The following KSR2 variants were observed in gnomAD, a reference collection of about 807,000 sequenced individuals.
KSR2 encodes the protein kinase suppressor of ras 2.
In KSR2, 25 loss-of-function variants were observed where a neutral mutation model predicts 107.8. The ratio of observed to expected loss-of-function variants is 0.23; its 90% CI spans 0.17 to 0.32. The LOEUF (loss-of-function observed/expected upper bound fraction) is 0.32, where lower values mean the gene tolerates loss of function less well. KSR2 is among the 10% of genes least tolerant of loss of function. The probability of loss-of-function intolerance (pLI) is 1.00; values close to 1 mark genes in which losing one functional copy is unlikely to be tolerated. For missense variants in KSR2, 887 were observed against 1,268.9 expected (o/e 0.70, Z 4.57); for synonymous variants, 480 against 507.0 (o/e 0.95, Z 0.71).
intron 3 of KSR2, among the ~76,000 whole-genome samples, chr12:117,820,627 G>A (rs1272617013): frequency 2.0e-5 from 3 of 152,038 alleles, no homozygotes; most frequent in East Asian, 1.9e-4. Context: ...GTCATCTTCC[G>A]ACCCAACACC....
intron 5 of KSR2, among the ~76,000 whole-genome samples, chr12:117,621,051 A>C (rs1882170044): frequency 6.6e-6 from 1 of 152,092 alleles, no homozygotes; most frequent in African/African-American, 2.4e-5. Flanking sequence ...TCCCCACCCA[A>C]ATCTCATCTC....
intron 1 of KSR2, among the ~76,000 whole-genome samples, chr12:117,959,274 G>C (rs1331995282): frequency 6.6e-6 from 1 of 152,166 alleles, no homozygotes; most frequent in Non-Finnish European, 1.5e-5. Context: ...AACAGGACTT[G>C]ACTGTCAAAC....
intron 1 of KSR2, among the ~76,000 whole-genome samples, chr12:117,918,936 C>G (rs1168321895): frequency 6.6e-6 from 1 of 152,084 alleles, no homozygotes; most frequent in East Asian, 1.9e-4. Flanking sequence ...AACACAGCCC[C>G]CTACCCTGCC....
intron 5 of KSR2, among the ~76,000 whole-genome samples, chr12:117,614,116 T>TA (rs1366687736): frequency 1.3e-5 from 2 of 152,178 alleles, no homozygotes; most frequent in East Asian, 1.9e-4. Flanking sequence ...GTACTGATAC[T>TA]AAAAAATATA....
At chr12:117,750,987 T>G (rs576487298) in intron 4 of KSR2, among the ~76,000 whole-genome samples, 1 of 152,332 alleles carries the variant, frequency 6.6e-6, no homozygotes, top group African/African-American at 2.4e-5. Context: ...TGTGAAGCTG[T>G]GTGATACAGT....
rs1332657851 is a variant in KSR2, at chr12:117,947,208, AG to A, written c.180+20867del. ...AAAGAAAAGAAAGAAAAGAAAGAAA[AG>A]AAAGAAAGAAAGAAAGAAAGAAAGA... On this transcript the variant is annotated intron_variant, in intron 1 of 19. Transcript: ENST00000339824. Among the ~76,000 whole-genome samples, 3 of 81,852 alleles carry A rather than the reference AG, an allele frequency of 3.7e-5. 1 individual carries two copies. The highest frequency in any genetic ancestry group is 2.5e-4 in the Admixed American group (2 of 8,030). 53.7% of individuals were successfully genotyped at this position (81,852 alleles called of 152,430 possible).
At chr12:117,918,695 G>T (rs530916372) in intron 1 of KSR2, among the ~76,000 whole-genome samples, 3 of 151,998 alleles carry the variant, frequency 2.0e-5, no homozygotes, top group South Asian at 4.2e-4. Flanking sequence ...GGCTGAGGCA[G>T]GAGATTCGCT....
chr12:117,653,524 T>C (rs370299228), intron 5 of KSR2, among the ~76,000 whole-genome samples: 1 of 152,220 alleles, frequency 6.6e-6, no homozygotes, highest in Non-Finnish European at 1.5e-5. Context: ...ATTATGTTGA[T>C]TGGATCCAGT....
rs112418518 is a variant in KSR2, at chr12:117,697,697, G to A, written c.987-30039C>T. Reference sequence around the variant, plus strand: ...GGAGGTTGCAGTCAGCCGAGATCGCGCCACTGCACCCTAGCCTGGGCAACA... The same window carrying A: ...GGAGGTTGCAGTCAGCCGAGATCGCACCACTGCACCCTAGCCTGGGCAACA... On this transcript the variant is annotated intron_variant, in intron 4 of 19. Coordinates refer to ENST00000339824, the MANE Select transcript of KSR2 (RefSeq NM_173598.6). 9.0e-3 allele frequency among the ~76,000 whole-genome samples: 1,284 copies of A among 142,540 alleles called. 24 individuals are homozygous for A. Among genetic ancestry groups the A allele is most frequent in the African/African-American group, 0.031 (1,177 of 37,810 alleles). 93.5% of individuals were successfully genotyped at this position (142,540 alleles called of 152,430 possible).
chr12:117,661,276 A>G (rs1279504061), intron 5 of KSR2, among the ~76,000 whole-genome samples: 1 of 151,950 alleles, frequency 6.6e-6, no homozygotes, highest in Non-Finnish European at 1.5e-5. Flanking sequence ...AGAAAAAAAA[A>G]AATTGCTCTA....
At chr12:117,508,049 AG>A (rs139179179) in intron 14 of KSR2, among the ~76,000 whole-genome samples, 7,291 of 152,212 alleles carry the variant, frequency 0.048, 537 homozygotes, top group African/African-American at 0.16. Context: ...CACAAAAGTT[AG>A]ATCCAAAGGG....
chr12:117,838,199 G>A (rs1050001922), intron 3 of KSR2, among the ~76,000 whole-genome samples: 8 of 152,174 alleles, frequency 5.3e-5, no homozygotes, highest in South Asian at 4.1e-4. Context: ...ACGGAGTCTC[G>A]CACTGTCACC....
intron 14 of KSR2, among the ~76,000 whole-genome samples, chr12:117,504,013 A>G (rs1052183594): frequency 6.6e-6 from 1 of 152,222 alleles, no homozygotes; most frequent in African/African-American, 2.4e-5. Context: ...TGGGCAGCAC[A>G]ATGATTTTAA....
Position 117,667,554 on chromosome 12 carries a change from G to C in KSR2, c.1091C>G (p.Ser364Cys). The change falls in exon 5 of 20, where the codon TCC (serine) becomes TGC (cysteine). Residue 364 changes from serine (S) to cysteine (C), a missense_variant. Ser to Cys is a moderately radical substitution (Grantham distance 112). Transcript: ENST00000339824. ...QQRSPLLSERSLRSFFVGHAP... is the reference protein window; with the variant it reads ...QQRSPLLSERCLRSFFVGHAP... ...GTGTCCCACAAAGAAGGAGCGGAGG[G>C]AGCGCTCGGACAGCAGCGGGGAGCG... is the stretch of plus-strand genomic sequence containing the variant. 1 of 1,613,172 alleles carries C rather than the reference G, an allele frequency of 6.2e-7. No homozygotes were observed. The highest frequency in any genetic ancestry group is 8.5e-7 in the Non-Finnish European group (1 of 1,179,656).
At chr12:117,593,665 G>A (rs1012384997) in intron 5 of KSR2, among the ~76,000 whole-genome samples, 4 of 152,210 alleles carry the variant, frequency 2.6e-5, no homozygotes, top group African/African-American at 9.6e-5. Context: ...TAAAATGGGG[G>A]CAATGAAATC....
At chr12:117,925,029 A>G (rs1895467991) in intron 1 of KSR2, among the ~76,000 whole-genome samples, 1 of 152,194 alleles carries the variant, frequency 6.6e-6, no homozygotes, top group Non-Finnish European at 1.5e-5. Flanking sequence ...CACACACACA[A>G]GTAGGACAGA....
At chr12:117,595,647 G>A (rs1436949571) in intron 5 of KSR2, among the ~76,000 whole-genome samples, 5 of 152,234 alleles carry the variant, frequency 3.3e-5, no homozygotes, top group Non-Finnish European at 7.3e-5. Flanking sequence ...ACAGGCGTGA[G>A]CCACCGCGCC....
chr12:117,521,534 G>T (rs1037335912), intron 14 of KSR2, among the ~76,000 whole-genome samples: 1 of 150,446 alleles, frequency 6.6e-6, no homozygotes, highest in Non-Finnish European at 1.5e-5. Flanking sequence ...TAGCAATCCT[G>T]CTGCTAATAG....
chr12:117,510,817 G>A (rs1463965439), intron 14 of KSR2, among the ~76,000 whole-genome samples: 1 of 148,958 alleles, frequency 6.7e-6, no homozygotes, highest in African/African-American at 2.5e-5. Flanking sequence ...GGTGGAGGTT[G>A]CAGTGAGCTG....
Sources: gnomAD v4.1 joint callset for allele counts (sites outside exome capture counted in the v4.1 genomes callset) on GRCh38, gnomAD v4.1.1 for gene constraint, MANE v1.5 for transcripts, NCBI Gene and HGNC (gene_info 2026-07-23, HGNC 2026-07-21) for gene names.